The following AHDC1 variants were observed in gnomAD, a reference collection of about 807,000 sequenced individuals.
The protein encoded by AHDC1 is transcription factor Gibbin.
AHDC1 carries 7 observed loss-of-function variants against 87.9 expected under a neutral mutation model. The ratio of observed to expected loss-of-function variants is 0.08; its 90% confidence interval spans 0.05 to 0.15. The LOEUF is 0.15. Among genes scored for constraint, AHDC1 ranks in the 10% least tolerant of loss-of-function variants. AHDC1 has a pLI of 1.00. For synonymous variants in AHDC1, 1,051 were observed against 1,006.8 expected (o/e 1.04, Z -0.83); for missense variants, 1,841 against 2,253.2 (o/e 0.82, Z 3.70).
intron 3 of AHDC1, among the ~76,000 whole-genome samples, chr1:27,585,583 A>G (rs1389681590): frequency 6.6e-6 from 1 of 152,190 alleles, no homozygotes; most frequent in Non-Finnish European, 1.5e-5. Flanking sequence ...CTAGTGACAA[A>G]GCCCCTGTTC....
At chr1:27,581,207 G>A (rs1354379213) in intron 3 of AHDC1, among the ~76,000 whole-genome samples, 1 of 151,964 alleles carries the variant, frequency 6.6e-6, no homozygotes, top group African/African-American at 2.4e-5. Context: ...ATAGCTCACT[G>A]CAGCTTCAAC....
chr1:27,565,175 C>T lies in AHDC1; in HGVS notation c.-628-6292G>A, dbSNP rs1294567739. Among the ~76,000 whole-genome samples, 1 of 151,988 alleles carries T rather than the reference C, an allele frequency of 6.6e-6. No homozygotes were observed. The highest frequency in any genetic ancestry group is 2.4e-5 in the African/African-American group (1 of 41,396). On this transcript the variant is annotated intron_variant, in intron 3 of 8. Transcript: ENST00000673934. The surrounding 1 kb of genome is among the most constrained non-coding windows in gnomAD (Gnocchi z 4.6). ...CTGAGGCCTCGATGCCAGCTTTGTT[C>T]CCCCCACCCACCCGCCGAGGGGGCC...
At chr1:27,580,250 C>T (rs2088867863) in intron 3 of AHDC1, among the ~76,000 whole-genome samples, 1 of 152,154 alleles carries the variant, frequency 6.6e-6, no homozygotes. Context: ...CCCACCTCCA[C>T]CCCTTCCCAG....
In AHDC1 at chr1:27,548,939, C is replaced by A. The variant is rs773652951; in HGVS notation, c.3177G>T (p.Arg1059=). The A allele has an allele frequency of 1.8e-5, 29 of 1,588,178 alleles. No individual in the cohort carries two copies. The East Asian group carries it at 5.2e-4, about 29-fold the overall frequency. The change falls in exon 8 of 9, where the codon CGG becomes CGT. Residue 1059 remains arginine, a synonymous_variant. Coordinates refer to ENST00000673934, the MANE Select transcript of AHDC1 (RefSeq NM_001371928.1). ...SAPTPLRCDS[R]ASTVSPGGYM... ...AGCCACCGGGCGAGACTGTGCTGGC[C>A]CGGCTGTCACAGCGCAGGGGCGTGG...
chr1:27,594,373 G>A (rs529022828), intron 3 of AHDC1, among the ~76,000 whole-genome samples: 1 of 152,306 alleles, frequency 6.6e-6, no homozygotes, highest in East Asian at 1.9e-4. Context: ...TTGAAAAAGT[G>A]TGGGCTGGGG....
intron 3 of AHDC1, among the ~76,000 whole-genome samples, chr1:27,572,472 G>A (rs1213986851): frequency 6.6e-6 from 1 of 152,162 alleles, no homozygotes; most frequent in Non-Finnish European, 1.5e-5. Flanking sequence ...CAAACGGCCA[G>A]GAGCTGCCTA....
intron 8 of AHDC1, among the ~76,000 whole-genome samples, chr1:27,546,320 T>C (rs893728934): frequency 6.6e-6 from 1 of 150,538 alleles, no homozygotes; most frequent in Non-Finnish European, 1.5e-5. Flanking sequence ...TTTGGGGGCA[T>C]TTTCTGTCTT....
chr1:27,577,629 C>A (rs1004551415), intron 3 of AHDC1, among the ~76,000 whole-genome samples: 4 of 152,226 alleles, frequency 2.6e-5, no homozygotes, highest in Non-Finnish European at 4.4e-5. Flanking sequence ...GCAGGCCCCC[C>A]ACTCCGCCCC....
At position 27,573,144 on chromosome 1, in the gene AHDC1, G is replaced by A. The variant is rs2088596145; in HGVS notation, c.-628-14261C>T. On this transcript the variant is annotated intron_variant, in intron 3 of 8. Coordinates refer to ENST00000673934, the MANE Select transcript of AHDC1 (RefSeq NM_001371928.1). ...TCCAGCCTTCTGGGGGTGGGGTGGG[G>A]ATACCTTGACAGGAATCTCCGAGCT... is the stretch of plus-strand genomic sequence containing the variant. Among the ~76,000 whole-genome samples, 3 of 152,044 alleles carry A rather than the reference G, an allele frequency of 2.0e-5. No homozygotes were observed. The South Asian group carries it at 6.2e-4, about 32-fold the overall frequency.
intron 8 of AHDC1, among the ~76,000 whole-genome samples, chr1:27,537,018 C>A (rs1241593565): frequency 1.3e-5 from 2 of 152,198 alleles, no homozygotes; most frequent in Non-Finnish European, 2.9e-5. Context: ...CCGCCCATCG[C>A]GTCTCACCTT....
intron 8 of AHDC1, among the ~76,000 whole-genome samples, chr1:27,542,105 G>A (rs989099057): frequency 6.6e-6 from 1 of 152,196 alleles, no homozygotes; most frequent in African/African-American, 2.4e-5. Flanking sequence ...CAGCACAAAC[G>A]CAGTGCACTA....
At position 27,593,301 on chromosome 1, in the gene AHDC1, C is replaced by G. The variant is rs2089279181; in HGVS notation, c.-629+10096G>C. Reference sequence around the variant, plus strand: ...GCCCGCTCCACAGGGTTCCAGAGACCCTCCTGCCTGCAGCAATCTTTAAAA... The same window carrying G: ...GCCCGCTCCACAGGGTTCCAGAGACGCTCCTGCCTGCAGCAATCTTTAAAA... On this transcript the variant is annotated intron_variant, in intron 3 of 8. Transcript: ENST00000673934. This position sits in a 1 kb window ranked among gnomAD's most constrained non-coding sequence, Gnocchi z 4.9. 6.6e-6 allele frequency among the ~76,000 whole-genome samples: 1 copy of G among 152,108 alleles called. No homozygotes were observed. The highest frequency in any genetic ancestry group is 2.1e-4 in the South Asian group (1 of 4,824).
intron 8 of AHDC1, among the ~76,000 whole-genome samples, chr1:27,542,747 C>T (rs1229449397): frequency 6.6e-6 from 1 of 152,206 alleles, no homozygotes; most frequent in East Asian, 1.9e-4. Flanking sequence ...AGTTCCGTGG[C>T]CCTGCTCTGG....
chr1:27,585,253 C>CAA (rs35143338), intron 3 of AHDC1, among the ~76,000 whole-genome samples: 1,182 of 66,178 alleles, frequency 0.018, 9 homozygotes, highest in Middle Eastern at 0.04. Flanking sequence ...GACCCTGTCT[C>CAA]AAAAAAAAAA....
chr1:27,600,551 A>G (rs11808829), intron 3 of AHDC1, among the ~76,000 whole-genome samples: 8,011 of 152,018 alleles, frequency 0.053, 720 homozygotes, highest in African/African-American at 0.18. Flanking sequence ...GTTTGCCTGG[A>G]GGAAGCCCCT....
Position 27,590,087 on chromosome 1 carries a change from G to A in AHDC1, c.-629+13310C>T, listed in dbSNP as rs2089181615. ...CCCTGCCCTGAGATGAGAGCTGGGG[G>A]TACAGGAAGGACTCTTCGGGCCCCT... On this transcript the variant is annotated intron_variant, in intron 3 of 8. Coordinates refer to ENST00000673934, the MANE Select transcript of AHDC1 (RefSeq NM_001371928.1). The surrounding 1 kb of genome is among the most constrained non-coding windows in gnomAD (Gnocchi z 5.4). Among the ~76,000 whole-genome samples the A allele has an allele frequency of 6.6e-6, 1 of 152,198 alleles. No homozygotes were observed. The highest frequency in any genetic ancestry group is 1.5e-5 in the Non-Finnish European group (1 of 68,008).
At chr1:27,574,397 A>G (rs1468396785) in intron 3 of AHDC1, among the ~76,000 whole-genome samples, 2 of 152,174 alleles carry the variant, frequency 1.3e-5, no homozygotes, top group Non-Finnish European at 2.9e-5. Context: ...TACTATGTGC[A>G]GATGCTATGC....
rs145241423 is a variant in AHDC1 at position 27,587,252 on chromosome 1, T to C, written c.-629+16145A>G. Among the ~76,000 whole-genome samples, 280 of 152,334 alleles carry C rather than the reference T, an allele frequency of 1.8e-3. 2 individuals are homozygous for C. The highest frequency in any genetic ancestry group is 4.8e-3 in the African/African-American group (199 of 41,578). On this transcript the variant is annotated intron_variant, in intron 3 of 8. Coordinates refer to ENST00000673934, the MANE Select transcript of AHDC1 (RefSeq NM_001371928.1). The stretch of plus-strand genomic sequence containing the variant: ...GTGACCTAGTAGGAGAGCCTGAAGC[T>C]GACTCTCTAAGGGGTACATTCCATG...
At position 27,534,635 on chromosome 1, in the gene AHDC1, GCTCGCTCT is replaced by G. The variant is rs957159355; in HGVS notation, c.*317_*324del. ...GCCCCGCTCGCAACCTCTTGCACAC[GCTCGCTCT>G]CTCGCTCTCTCTCTCTCTTTTTTTT... On this transcript the variant is annotated 3_prime_UTR_variant, in exon 9 of 9. Transcript: ENST00000673934. 4.6e-5 allele frequency: 7 copies of G among 151,632 alleles called. No individual in the cohort carries two copies. Among genetic ancestry groups the G allele is most frequent in the African/African-American group, 7.3e-5 (3 of 41,176 alleles). The allele number at this position is 151,632 out of a possible 1,614,324, so 9.4% of individuals were successfully genotyped here. A position where few individuals can be genotyped will look rare whatever the true frequency, so the allele number is the denominator to read the frequency against.
Sources: gnomAD v4.1 joint callset for allele counts (sites outside exome capture counted in the v4.1 genomes callset) on GRCh38, gnomAD v4.1.1 for gene constraint, Gnocchi (gnomAD v3.1) non-coding constraint, MANE v1.5 for transcripts, NCBI Gene and HGNC (gene_info 2026-07-23, HGNC 2026-07-21) for gene names.